The following NCKAP5 variants were observed in gnomAD, a reference collection of about 807,000 sequenced individuals.
NCKAP5 encodes the protein nck-associated protein 5.
In NCKAP5, 92 loss-of-function variants were observed where a neutral mutation model predicts 167.0. That is an observed-to-expected ratio of 0.55 (90% CI 0.47 to 0.66). NCKAP5 has a LOEUF of 0.66. Among genes scored for constraint, NCKAP5 ranks in the 30% least tolerant of loss-of-function variants. The pLI, the probability that NCKAP5 is intolerant of heterozygous loss-of-function variation, is 0.00. For missense variants in NCKAP5, 2,378 were observed against 2,315.0 expected, an observed-to-expected ratio of 1.03 and a Z score of -0.56; for synonymous variants, 891 against 877.4, an observed-to-expected ratio of 1.02 and a Z score of -0.27.
At chr2:133,335,236 T>C (rs1683133763) in intron 3 of NCKAP5, among the ~76,000 whole-genome samples, 1 of 152,192 alleles carries the variant, frequency 6.6e-6, no homozygotes. Flanking sequence ...CCATAATCAC[T>C]GCGTTATAGT....
intron 6 of NCKAP5, among the ~76,000 whole-genome samples, chr2:133,054,238 C>A (rs559737053): frequency 6.1e-4 from 93 of 152,302 alleles, no homozygotes; most frequent in African/African-American, 2.0e-3. Flanking sequence ...GGAGATCACA[C>A]CTTGTTTAAT....
At chr2:132,733,062 T>C (rs115459375) in intron 16 of NCKAP5, among the ~76,000 whole-genome samples, 4,749 of 152,346 alleles carry the variant, frequency 0.031, 98 homozygotes, top group Non-Finnish European at 0.048. Context: ...TCACCATGTG[T>C]GTGACATAGT....
At chr2:133,149,473 T>C (rs1209703966) in intron 5 of NCKAP5, among the ~76,000 whole-genome samples, 1 of 151,320 alleles carries the variant, frequency 6.6e-6, no homozygotes, top group East Asian at 1.9e-4. Context: ...AAACAGCTCT[T>C]CTCTACTGAG....
chr2:133,141,835 T>C (rs1253370018), intron 5 of NCKAP5, among the ~76,000 whole-genome samples: 1 of 152,100 alleles, frequency 6.6e-6, no homozygotes, highest in African/African-American at 2.4e-5. Flanking sequence ...AACCTAAAAA[T>C]TTTAAAACAG....
chr2:133,029,352 T>C (rs2078802014), intron 6 of NCKAP5, among the ~76,000 whole-genome samples: 1 of 152,180 alleles, frequency 6.6e-6, no homozygotes, highest in Non-Finnish European at 1.5e-5. Context: ...TGTCCCCATT[T>C]GTAGACAATC....
intron 2 of NCKAP5, among the ~76,000 whole-genome samples, chr2:133,555,230 CT>C (rs1489109497): frequency 6.6e-6 from 1 of 152,194 alleles, no homozygotes; most frequent in Non-Finnish European, 1.5e-5. Context: ...CATATTATCT[CT>C]TTTTATGACC....
At chr2:133,287,689 T>A (rs987599613) in intron 4 of NCKAP5, among the ~76,000 whole-genome samples, 1 of 152,168 alleles carries the variant, frequency 6.6e-6, no homozygotes, top group South Asian at 2.1e-4. Context: ...TTACAAGATA[T>A]ACATCATTAT....
At chr2:133,226,604 A>AAC (rs3051222) in intron 4 of NCKAP5, among the ~76,000 whole-genome samples, 30,386 of 139,090 alleles carry the variant, frequency 0.22, 3,333 homozygotes, top group East Asian at 0.3. Context: ...TTTGAAGATA[A>AAC]ACACACACAC....
At chr2:133,636,676 A>G in the NCKAP5 span, among the ~76,000 whole-genome samples, 1 of 152,220 alleles carries the variant, frequency 6.6e-6, no homozygotes, top group Non-Finnish European at 1.5e-5. Flanking sequence ...GCCAAACAAC[A>G]AAACAAACAA....
At chr2:133,284,643 C>G (rs1000704957) in intron 4 of NCKAP5, 1 of 152,172 alleles carries the variant, frequency 6.6e-6, no homozygotes, top group Non-Finnish European at 1.5e-5. Context: ...GAACCAATCT[C>G]TATCTGTATA....
chr2:132,818,055 C>T (rs945517471), intron 11 of NCKAP5, among the ~76,000 whole-genome samples: 8 of 152,218 alleles, frequency 5.3e-5, no homozygotes, highest in Non-Finnish European at 8.8e-5. Flanking sequence ...TCAAACAATC[C>T]CCATGCCTCA....
At chr2:133,178,604 T>C (rs1402884768) in intron 5 of NCKAP5, among the ~76,000 whole-genome samples, 1 of 141,670 alleles carries the variant, frequency 7.1e-6, no homozygotes, top group East Asian at 2.1e-4. Context: ...TGCGGGCGGA[T>C]CACGAGGTCA....
chr2:132,789,169 G>C (rs1426772704), intron 13 of NCKAP5, among the ~76,000 whole-genome samples: 1 of 152,206 alleles, frequency 6.6e-6, no homozygotes, highest in Non-Finnish European at 1.5e-5. Context: ...GAGAAGGAGA[G>C]AGACAAAGAG....
intron 14 of NCKAP5, 130 bp downstream of exon 14, chr2:132,781,810 T>C: frequency 1.3e-6 from 1 of 768,160 alleles, no homozygotes; most frequent in Non-Finnish European, 2.1e-6. Context: ...TATAAAAGAC[T>C]GCTACTATTC....
intron 4 of NCKAP5, among the ~76,000 whole-genome samples, chr2:133,218,091 G>A (rs2086508527): frequency 6.6e-6 from 1 of 151,564 alleles, no homozygotes; most frequent in Non-Finnish European, 1.5e-5. Flanking sequence ...ATCCCAAAGA[G>A]ATTTTGTTGT....
chr2:133,579,246 G>C, the NCKAP5 span, among the ~76,000 whole-genome samples: 1 of 152,166 alleles, frequency 6.6e-6, no homozygotes, highest in African/African-American at 2.4e-5. Context: ...GGCAGAGCTA[G>C]GGTTTTAAAC....
chr2:132,829,000 T>C (rs1687329855), intron 11 of NCKAP5, among the ~76,000 whole-genome samples: 1 of 152,130 alleles, frequency 6.6e-6, no homozygotes, highest in Non-Finnish European at 1.5e-5. Flanking sequence ...AGACTCAGCA[T>C]CTTACAAAGA....
chr2:133,099,389 C>T (rs2149672747), intron 6 of NCKAP5, among the ~76,000 whole-genome samples: 1 of 152,246 alleles, frequency 6.6e-6, no homozygotes, highest in South Asian at 2.1e-4. Flanking sequence ...TGAGATAATA[C>T]TGAGAAAACA....
At chr2:132,676,226 T>C (rs1201235595) in intron 19 of NCKAP5, among the ~76,000 whole-genome samples, 1 of 150,996 alleles carries the variant, frequency 6.6e-6, no homozygotes, top group Non-Finnish European at 1.5e-5. Flanking sequence ...CCAGTATGTA[T>C]ACCGAATTGC....
Sources: gnomAD v4.1 joint callset for allele counts (sites outside exome capture counted in the v4.1 genomes callset) on GRCh38, gnomAD v4.1.1 for gene constraint, MANE v1.5 for transcripts, NCBI Gene and HGNC (gene_info 2026-07-23, HGNC 2026-07-21) for gene names.